The following TRAF7 variants were observed in gnomAD, a reference collection of about 807,000 sequenced individuals.
TRAF7 encodes TNF receptor associated factor 7.
In TRAF7, 45 loss-of-function variants were observed where a neutral mutation model predicts 89.3. That is an observed-to-expected ratio of 0.50 (90% CI 0.40 to 0.65). The LOEUF (loss-of-function observed/expected upper bound fraction) is 0.65, where lower values mean the gene tolerates loss of function less well. TRAF7 is among the 30% of genes least tolerant of loss of function. TRAF7 has a pLI of 0.00. For synonymous variants in TRAF7, 406 were observed against 369.2 expected, an observed-to-expected ratio of 1.10 and a Z score of -1.14; for missense variants, 677 against 918.1, an observed-to-expected ratio of 0.74 and a Z score of 3.39.
rs1046215265 is a variant in TRAF7 at position 2,158,677 on chromosome 16, T to C, written c.-39+2819T>C. On this transcript the variant is annotated intron_variant, in intron 1 of 20. Coordinates refer to ENST00000326181, the MANE Select transcript of TRAF7 (RefSeq NM_032271.3). The surrounding 1 kb of genome is among the most constrained non-coding windows in gnomAD (Gnocchi z 4.7). Reference sequence around the variant, plus strand: ...AGTGTTTATGTCAGCTCCCTGCTGCTGCAGGGCAGAAGGAAGGAGGGAGCC... The same window carrying C: ...AGTGTTTATGTCAGCTCCCTGCTGCCGCAGGGCAGAAGGAAGGAGGGAGCC... Among the ~76,000 whole-genome samples, 4 of 146,814 alleles carry C rather than the reference T, an allele frequency of 2.7e-5. No individual in the cohort carries two copies. Among genetic ancestry groups the C allele is most frequent in the Non-Finnish European group, 4.5e-5 (3 of 67,314 alleles).
At chr16:2,166,897 G>T (rs1289932743) in intron 3 of TRAF7, among the ~76,000 whole-genome samples, 2 of 152,246 alleles carry the variant, frequency 1.3e-5, no homozygotes, top group African/African-American at 2.4e-5. Context: ...TCATTCCGGG[G>T]TGGGGTTCTG....
chr16:2,175,806 G>T (rs753065879), intron 17 of TRAF7, 28 bp from the exon 18 acceptor site: 7 of 1,610,740 alleles, frequency 4.3e-6, no homozygotes, highest in Non-Finnish European at 3.4e-6. Context: ...ACCTGGCCTG[G>T]GACCAACTGG....
At position 2,173,284 on chromosome 16, in the gene TRAF7, C is replaced by A; in HGVS notation, c.897C>A (p.His299Gln). 1 of 1,613,600 alleles carries A rather than the reference C, an allele frequency of 6.2e-7. No homozygotes were observed. Among genetic ancestry groups the A allele is most frequent in the Non-Finnish European group, 8.5e-7 (1 of 1,179,996 alleles). Reference sequence around the variant, plus strand: ...TGCAGCAGACGGATGACCGCTTCCACGAGATGCACGTGGCTCTGGCCCAGA... The same window carrying A: ...TGCAGCAGACGGATGACCGCTTCCAAGAGATGCACGTGGCTCTGGCCCAGA... ...EFLQQTDDRFHEMHVALAQKD... is the reference protein window; with the variant it reads ...EFLQQTDDRFQEMHVALAQKD... The change falls in exon 10 of 21, where the codon CAC (histidine) becomes CAA (glutamine). Residue 299 changes from histidine (H) to glutamine (Q), a missense_variant. Transcript: ENST00000326181.
Position 2,159,321 on chromosome 16 carries a change from G to T in TRAF7, c.-39+3463G>T, listed in dbSNP as rs1317344637. 1.3e-5 allele frequency among the ~76,000 whole-genome samples: 2 copies of T among 152,154 alleles called. No homozygotes were observed. Among genetic ancestry groups the T allele is most frequent in the African/African-American group, 4.8e-5 (2 of 41,438 alleles). On this transcript the variant is annotated intron_variant, in intron 1 of 20. Coordinates refer to ENST00000326181, the MANE Select transcript of TRAF7 (RefSeq NM_032271.3). The surrounding 1 kb of genome is among the most constrained non-coding windows in gnomAD (Gnocchi z 6.5). ...TTCGCCGTGCTAGGAGGGAAGCGGGGCCAAGCCGGCCTCAGACCAGGGCCT... is the reference window on the plus strand; with the variant it reads ...TTCGCCGTGCTAGGAGGGAAGCGGGTCCAAGCCGGCCTCAGACCAGGGCCT...
Position 2,176,196 on chromosome 16 carries a change from G to T in TRAF7, c.1878+16G>T. ...GTCCCTCAGGGTGCGTGCTGGCCCA[G>T]CGGTGGCAGGAGGCTCAGAGGGCTG... On this transcript the variant is annotated intron_variant, in intron 19 of 20. Transcript: ENST00000326181. The T allele has an allele frequency of 6.2e-7, 1 of 1,602,996 alleles. No individual in the cohort carries two copies.
chr16:2,157,042 G>A (rs1596664268), intron 1 of TRAF7, among the ~76,000 whole-genome samples: 1 of 152,094 alleles, frequency 6.6e-6, no homozygotes. Flanking sequence ...GGCTTGCTCA[G>A]GAATTTCATG....
At chr16:2,173,859 T>TTGGCCGCCCCCC in intron 12 of TRAF7, 23 bp downstream of exon 12, 1 of 1,246,254 alleles carries the variant, frequency 8.0e-7, no homozygotes, top group Non-Finnish European at 1.1e-6. Context: ...CCGCCGTGGC[T>TTGGCCGCCCCCC]CCCGCCCACC....
chr16:2,173,515 G>A lies in TRAF7; in HGVS notation c.1047G>A (p.Glu349=), dbSNP rs1416585763. 1 of 1,613,320 alleles carries A rather than the reference G, an allele frequency of 6.2e-7. No individual in the cohort carries two copies. Among genetic ancestry groups the A allele is most frequent in the Non-Finnish European group, 8.5e-7 (1 of 1,179,958 alleles). The change falls in exon 11 of 21, where the codon GAG becomes GAA. Residue 349 remains glutamate (E), a synonymous_variant. Transcript: ENST00000326181. ...ACGAAAACCAGAGCAAGCTCAGCGA[G>A]GACCTCATGGAGTTCCGGCGGGACG... is the stretch of plus-strand genomic sequence containing the variant. ...VLDENQSKLS[E]DLMEFRRDAS...
Position 2,159,736 on chromosome 16 carries a change from A to T in TRAF7, c.-39+3878A>T, listed in dbSNP as rs1692249868. On this transcript the variant is annotated intron_variant, in intron 1 of 20. Coordinates refer to ENST00000326181, the MANE Select transcript of TRAF7 (RefSeq NM_032271.3). The surrounding 1 kb of genome is among the most constrained non-coding windows in gnomAD (Gnocchi z 6.5). The stretch of plus-strand genomic sequence containing the variant: ...CTCCCAGGGCAGTTGCAGGCCTCAC[A>T]GGCACACCCACCCATGGCTTGCGCC... 6.6e-6 allele frequency among the ~76,000 whole-genome samples: 1 copy of T among 152,164 alleles called. No individual in the cohort carries two copies. Among genetic ancestry groups the T allele is most frequent in the Non-Finnish European group, 1.5e-5 (1 of 68,010 alleles).
At position 2,177,126 on chromosome 16, in the gene TRAF7, C is replaced by T. The variant is rs2093140530; in HGVS notation, c.*552C>T. 2 of 261,918 alleles carry T rather than the reference C, an allele frequency of 7.6e-6. No homozygotes were observed. The highest frequency in any genetic ancestry group is 4.8e-5 in the Admixed American group (1 of 20,834). The allele number at this position is 261,918 out of a possible 1,614,324, so 16.2% of individuals were successfully genotyped here. ...CAACTCGTCACACCCAAGCTGCTGGCCTCCAGTCCCATCTCCCCCAACACA... is the reference window on the plus strand; with the variant it reads ...CAACTCGTCACACCCAAGCTGCTGGTCTCCAGTCCCATCTCCCCCAACACA... On this transcript the variant is annotated 3_prime_UTR_variant, in exon 21 of 21. Transcript: ENST00000326181.
At chr16:2,160,059 C>T (rs556350742) in intron 1 of TRAF7, among the ~76,000 whole-genome samples, 9 of 152,256 alleles carry the variant, frequency 5.9e-5, no homozygotes, top group Admixed American at 2.0e-4. Flanking sequence ...AGGGATTTGC[C>T]GAAGAGGGGC....
In TRAF7 at chr16:2,168,351, C is replaced by T; in HGVS notation, c.231+183C>T. 1.7e-6 allele frequency: 1 copy of T among 572,296 alleles called. No homozygotes were observed. The allele number at this position is 572,296 out of a possible 1,614,324, so 35.5% of individuals were successfully genotyped here. A position where few individuals can be genotyped will look rare whatever the true frequency, so the allele number is the denominator to read the frequency against. ...TCTGTGAGAAAGGAGGCTCCTGTGGCTGGACTGTGGGTGGCAGGGGGCAGC... is the reference window on the plus strand; with the variant it reads ...TCTGTGAGAAAGGAGGCTCCTGTGGTTGGACTGTGGGTGGCAGGGGGCAGC... On this transcript the variant is annotated intron_variant, in intron 4 of 20. Coordinates refer to ENST00000326181, the MANE Select transcript of TRAF7 (RefSeq NM_032271.3). This position sits in a 1 kb window ranked among gnomAD's most constrained non-coding sequence, Gnocchi z 4.1.
intron 1 of TRAF7, among the ~76,000 whole-genome samples, chr16:2,160,911 T>C (rs1363423575): frequency 6.6e-6 from 1 of 152,086 alleles, no homozygotes; most frequent in Non-Finnish European, 1.5e-5. Context: ...TGAGCTATTG[T>C]GCTTTCCAGT....
intron 1 of TRAF7, among the ~76,000 whole-genome samples, chr16:2,156,251 G>A (rs1021463410): frequency 5.9e-5 from 9 of 152,178 alleles, no homozygotes; most frequent in Non-Finnish European, 1.2e-4. Flanking sequence ...CGCGGCCCGG[G>A]TCGCTTTTTG....
intron 2 of TRAF7, among the ~76,000 whole-genome samples, 156 bp downstream of exon 2, chr16:2,164,157 T>C (rs537567245): frequency 8.0e-4 from 101 of 126,504 alleles, no homozygotes; most frequent in African/African-American, 2.3e-3. Context: ...TGTGTGTGTG[T>C]GTGCGCGCGC....
At chr16:2,167,219 C>T (rs375186121) in intron 3 of TRAF7, among the ~76,000 whole-genome samples, 2 of 152,158 alleles carry the variant, frequency 1.3e-5, no homozygotes, top group African/African-American at 4.8e-5. Context: ...CCTGGCCCCT[C>T]GGCGGCAGGG....
At chr16:2,175,271 C>A in intron 15 of TRAF7, 30 bp from the exon 16 acceptor site, 1 of 1,612,508 alleles carries the variant, frequency 6.2e-7, no homozygotes, top group Non-Finnish European at 8.5e-7. Context: ...GGGCTTGGTG[C>A]CCTGAGGCTG....
chr16:2,172,822 G>A (rs1037645196), intron 9 of TRAF7, among the ~76,000 whole-genome samples: 8 of 151,952 alleles, frequency 5.3e-5, no homozygotes, highest in African/African-American at 1.7e-4. Context: ...CAGCATGGGC[G>A]GATTTGAGCA....
chr16:2,177,313 G>T lies in TRAF7; in HGVS notation c.*739G>T, dbSNP rs1050088118. ...GACAGCTGGGCACGTCCACTCGCAG[G>T]GAAACACGGGGTGAGACAGCAGGAA... On this transcript the variant is annotated 3_prime_UTR_variant, in exon 21 of 21. Transcript: ENST00000326181. The T allele has an allele frequency of 4.3e-6, 1 of 234,964 alleles. No individual in the cohort carries two copies. Among genetic ancestry groups the T allele is most frequent in the African/African-American group, 2.2e-5 (1 of 45,466 alleles). The allele number at this position is 234,964 out of a possible 1,614,324, so 14.6% of individuals were successfully genotyped here. A position where few individuals can be genotyped will look rare whatever the true frequency, so the allele number is the denominator to read the frequency against.
Sources: gnomAD v4.1 joint callset for allele counts (sites outside exome capture counted in the v4.1 genomes callset) on GRCh38, gnomAD v4.1.1 for gene constraint, Gnocchi (gnomAD v3.1) non-coding constraint, MANE v1.5 for transcripts, NCBI Gene and HGNC (gene_info 2026-07-23, HGNC 2026-07-21) for gene names.